DAB1: variants seen among roughly 807,000 people sequenced by gnomAD.
DAB1 encodes DAB adaptor protein 1, also known as disabled homolog 1.
DAB1 carries 15 observed loss-of-function variants against 64.6 expected under a neutral mutation model. That is an observed-to-expected ratio of 0.23 (90% CI 0.16 to 0.36). DAB1 has a LOEUF of 0.36. Ranked by LOEUF, DAB1 falls within the 10% of genes least tolerant of loss-of-function variation. DAB1 has a pLI of 1.00. For missense variants in DAB1, 596 were observed against 706.7 expected, an observed-to-expected ratio of 0.84 and a Z score of 1.78; for synonymous variants, 235 against 251.9, an observed-to-expected ratio of 0.93 and a Z score of 0.64.
At chr1:57,827,682 G>T (rs749138891) in intron 1 of DAB1, among the ~76,000 whole-genome samples, 7 of 152,126 alleles carry the variant, frequency 4.6e-5, no homozygotes, top group South Asian at 2.1e-4. Context: ...TCAAGGTCCA[G>T]TTAAAGAGCC....
At chr1:57,772,761 A>T (rs1649618206) in intron 6 of DAB1, among the ~76,000 whole-genome samples, 1 of 151,984 alleles carries the variant, frequency 6.6e-6, no homozygotes, top group South Asian at 2.1e-4. Context: ...TTTCCTGATG[A>T]TGTTGGGCCT....
At chr1:58,108,615 C>T (rs1274680498) in intron 5 of DAB1, among the ~76,000 whole-genome samples, 1 of 152,190 alleles carries the variant, frequency 6.6e-6, no homozygotes, top group Non-Finnish European at 1.5e-5. Context: ...CGGGAATATG[C>T]ATTTGAGAAC....
intron 4 of DAB1, among the ~76,000 whole-genome samples, chr1:58,193,225 G>A (rs1396175306): frequency 6.6e-6 from 1 of 152,102 alleles, no homozygotes; most frequent in East Asian, 1.9e-4. Context: ...TTGTTTAAAA[G>A]AACCTGGTCC....
intron 3 of DAB1, among the ~76,000 whole-genome samples, chr1:58,479,480 C>T (rs1645451563): frequency 6.6e-6 from 1 of 152,174 alleles, no homozygotes; most frequent in Non-Finnish European, 1.5e-5. Flanking sequence ...TGTCAGGACA[C>T]ATCCCAAATG....
At chr1:58,293,581 G>A (rs940899844) in intron 4 of DAB1, among the ~76,000 whole-genome samples, 2 of 152,140 alleles carry the variant, frequency 1.3e-5, no homozygotes, top group African/African-American at 4.8e-5. Context: ...GGAAACCACA[G>A]GAGAATCTGG....
intron 1 of DAB1, among the ~76,000 whole-genome samples, chr1:57,328,186 G>A (rs1475387811): frequency 5.9e-5 from 9 of 152,216 alleles, no homozygotes. Flanking sequence ...GGGTAGGTCT[G>A]TGAGTTTTCT....
intron 1 of DAB1, among the ~76,000 whole-genome samples, chr1:57,396,315 T>C (rs1036453378): frequency 4.6e-5 from 7 of 152,228 alleles, no homozygotes; most frequent in Non-Finnish European, 8.8e-5. Context: ...ATAACTATCA[T>C]GAAGCACGTT....
intron 4 of DAB1, among the ~76,000 whole-genome samples, chr1:58,300,612 G>GAAAGAAAGAAAGAAAGAAAGAA (rs1456432665): frequency 9.9e-4 from 44 of 44,560 alleles, no homozygotes; most frequent in African/African-American, 3.2e-3. Flanking sequence ...AAGAAAGAAA[G>GAAAGAAAGAAAGAAAGAAAGAA]AGAGAGAGAG....
At chr1:57,402,999 G>C (rs535535779) in intron 1 of DAB1, among the ~76,000 whole-genome samples, 1 of 152,272 alleles carries the variant, frequency 6.6e-6, no homozygotes, top group South Asian at 2.1e-4. Flanking sequence ...AGGCTTCAAA[G>C]ATACAGGTCA....
At chr1:57,650,565 G>A (rs1351655843) in intron 6 of DAB1, among the ~76,000 whole-genome samples, 2 of 152,266 alleles carry the variant, frequency 1.3e-5, no homozygotes, top group South Asian at 4.1e-4. Flanking sequence ...TAACAAAATT[G>A]TTGATAAAGT....
At chr1:57,121,194 AGG>A (rs1656624783) in intron 4 of DAB1, among the ~76,000 whole-genome samples, 10 of 151,248 alleles carry the variant, frequency 6.6e-5, no homozygotes, top group African/African-American at 2.2e-4. Flanking sequence ...AAAGAGAAGA[AGG>A]AGAAGGAGAA....
At chr1:57,336,825 T>C (rs1570310049) in intron 1 of DAB1, among the ~76,000 whole-genome samples, 1 of 152,300 alleles carries the variant, frequency 6.6e-6, no homozygotes, top group East Asian at 1.9e-4. Flanking sequence ...CAAATAGATG[T>C]CACTTTCCCA....
chr1:58,044,454 C>T (rs1353430775), intron 5 of DAB1, among the ~76,000 whole-genome samples: 4 of 151,638 alleles, frequency 2.6e-5, no homozygotes, highest in Admixed American at 6.6e-5. Context: ...ATCTTGTATG[C>T]GACCAACTCC....
chr1:57,477,941 T>G (rs1203511529), intron 7 of DAB1, among the ~76,000 whole-genome samples: 1 of 151,174 alleles, frequency 6.6e-6, no homozygotes, highest in East Asian at 2.0e-4. Context: ...CTAGGGTACC[T>G]GTGCACAACG....
At chr1:58,543,626 C>T (rs891008838) in intron 1 of DAB1, among the ~76,000 whole-genome samples, 6 of 152,246 alleles carry the variant, frequency 3.9e-5, no homozygotes, top group Middle Eastern at 3.4e-3. Flanking sequence ...AATCCTACCC[C>T]GACAATTAAC....
At chr1:58,074,084 A>G (rs1055736543) in intron 5 of DAB1, among the ~76,000 whole-genome samples, 1 of 152,312 alleles carries the variant, frequency 6.6e-6, no homozygotes, top group African/African-American at 2.4e-5. Context: ...TGAGCCGGTA[A>G]ATTCCACTAT....
chr1:57,760,194 G>T (rs770023064), intron 6 of DAB1, among the ~76,000 whole-genome samples: 3 of 152,030 alleles, frequency 2.0e-5, no homozygotes, highest in Non-Finnish European at 4.4e-5. Flanking sequence ...TTATGCACAG[G>T]AACAACATGG....
rs1301667711 is a variant in DAB1, at chr1:57,775,756, A to AT, written n.551+108242dup. On this transcript the variant is annotated intron_variant and non_coding_transcript_variant, in intron 6 of 20. Coordinates refer to the DAB1 transcript ENST00000485760. ...TGATCAAAGCTTCTATATTCTACTG[A>AT]TTTTTTTATCTATTTATCTTTTCAA... is the stretch of plus-strand genomic sequence containing the variant. Among the ~76,000 whole-genome samples the AT allele has an allele frequency of 4.6e-5, 7 of 151,576 alleles. No individual in the cohort carries two copies. The South Asian group carries it at 6.2e-4, about 13-fold the overall frequency.
intron 3 of DAB1, among the ~76,000 whole-genome samples, chr1:58,402,252 G>C (rs1644576828): frequency 6.6e-6 from 1 of 152,200 alleles, no homozygotes. Context: ...CCTCCACTGT[G>C]GGACCCAGGC....
Sources: allele counts gnomAD v4.1 joint callset (sites outside exome capture counted in the v4.1 genomes callset), GRCh38; gene constraint gnomAD v4.1.1; transcripts MANE v1.5; gene names NCBI Gene and HGNC (gene_info 2026-07-23, HGNC 2026-07-21).